Variants in ADGRL2 observed in about 807,000 individuals in gnomAD.
ADGRL2 encodes calcium-independent alpha-latrotoxin receptor 2.
ADGRL2 carries 44 observed loss-of-function variants against 157.4 expected under a neutral mutation model. That is an observed-to-expected ratio of 0.28 (90% CI 0.22 to 0.36). The LOEUF (loss-of-function observed/expected upper bound fraction) is 0.36. ADGRL2 is among the 10% of genes least tolerant of loss of function. The pLI, the probability that ADGRL2 is intolerant of heterozygous loss-of-function variation, is 1.00. For synonymous variants in ADGRL2, 585 were observed against 624.7 expected (o/e 0.94, Z 0.95); for missense variants, 1,510 against 1,768.9 (o/e 0.85, Z 2.63).
intron 2 of ADGRL2, among the ~76,000 whole-genome samples, chr1:81,838,674 A>G (rs1164583698): frequency 6.6e-6 from 1 of 152,110 alleles, no homozygotes; most frequent in Admixed American, 6.6e-5. Context: ...CCAATGGCTC[A>G]TTAGTCCACA....
At chr1:81,345,435 G>A (rs1241897195) in intron 1 of ADGRL2, among the ~76,000 whole-genome samples, 1 of 152,172 alleles carries the variant, frequency 6.6e-6, no homozygotes, top group Admixed American at 6.5e-5. Flanking sequence ...TGATAGCCAT[G>A]CATTCTGCTA....
In ADGRL2 at chr1:81,394,415, G is replaced by A. The variant is rs75618011; in HGVS notation, c.-301-50621G>A. 7.1e-3 allele frequency among the ~76,000 whole-genome samples: 1,072 copies of A among 151,862 alleles called. 17 individuals carry two copies. The highest frequency in any genetic ancestry group is 0.054 in the South Asian group (261 of 4,806). On this transcript the variant is annotated intron_variant, in intron 1 of 24. Transcript: ENST00000370721. ...TAACCACTATTCTATCTTTACTTCC[G>A]TGAGATCAACTCTTTTGGCTTCTTC...
At chr1:81,626,619 C>A (rs2148733312) in intron 3 of ADGRL2, among the ~76,000 whole-genome samples, 1 of 152,314 alleles carries the variant, frequency 6.6e-6, no homozygotes, top group Admixed American at 6.5e-5. Context: ...CAAGTGGTAT[C>A]CTCATGTAAA....
chr1:81,446,573 T>G (rs1431293491), intron 2 of ADGRL2, among the ~76,000 whole-genome samples: 2 of 152,182 alleles, frequency 1.3e-5, no homozygotes, highest in Non-Finnish European at 2.9e-5. Flanking sequence ...AACATATTTC[T>G]CAATTCTACC....
chr1:81,413,974 C>T (rs1411356254), intron 1 of ADGRL2, among the ~76,000 whole-genome samples: 4 of 142,020 alleles, frequency 2.8e-5, no homozygotes, highest in African/African-American at 1.0e-4. Context: ...GCCTAAAGAC[C>T]AATTGATCAA....
intron 9 of ADGRL2, 55 bp from the exon 10 acceptor site, chr1:81,952,932 C>G: frequency 7.3e-7 from 1 of 1,379,030 alleles, no homozygotes; most frequent in Non-Finnish European, 1.0e-6. Flanking sequence ...CTTCTTTCCT[C>G]ATTTTCAGCA....
At chr1:81,642,248 C>CAAAA (rs35830955) in intron 3 of ADGRL2, among the ~76,000 whole-genome samples, 2 of 61,638 alleles carry the variant, frequency 3.2e-5, no homozygotes, top group African/African-American at 1.3e-4. Context: ...ACTCTGTCTC[C>CAAAA]AAAAAAAAAA....
At chr1:81,370,844 T>C (rs2076149584) in intron 1 of ADGRL2, among the ~76,000 whole-genome samples, 2 of 152,146 alleles carry the variant, frequency 1.3e-5, no homozygotes, top group African/African-American at 4.8e-5. Flanking sequence ...ACAAAAAGAA[T>C]TAAGTTACAC....
In ADGRL2 at chr1:81,413,733, T is replaced by G. The variant is rs574830918; in HGVS notation, c.-301-31303T>G. Reference sequence around the variant, plus strand: ...GAAAAAGAGTTTATTAGATTTCCTTTTACACTATCAGACAGCTTCTCATTT... The same window carrying G: ...GAAAAAGAGTTTATTAGATTTCCTTGTACACTATCAGACAGCTTCTCATTT... On this transcript the variant is annotated intron_variant, in intron 1 of 24. Transcript: ENST00000370721. 2.0e-5 allele frequency among the ~76,000 whole-genome samples: 3 copies of G among 152,342 alleles called. No homozygotes were observed. In the East Asian group the frequency reaches 5.8e-4, roughly 29 times the overall value.
At chr1:81,355,173 A>G (rs1448863248) in intron 1 of ADGRL2, among the ~76,000 whole-genome samples, 3 of 152,106 alleles carry the variant, frequency 2.0e-5, no homozygotes, top group Non-Finnish European at 4.4e-5. Context: ...CAAAATGGTG[A>G]AACCCCAACT....
chr1:81,332,637 T>C (rs1483902752), intron 1 of ADGRL2, among the ~76,000 whole-genome samples: 1 of 152,166 alleles, frequency 6.6e-6, no homozygotes, highest in Non-Finnish European at 1.5e-5. Context: ...AAGGTTGAAA[T>C]GTACCCAAAA....
At chr1:81,401,622 C>T (rs777593139) in intron 1 of ADGRL2, among the ~76,000 whole-genome samples, 1 of 152,152 alleles carries the variant, frequency 6.6e-6, no homozygotes, top group Non-Finnish European at 1.5e-5. Flanking sequence ...TTCTAGTTGA[C>T]CATCTTGCTC....
intron 2 of ADGRL2, among the ~76,000 whole-genome samples, chr1:81,781,355 G>A (rs762155462): frequency 2.0e-5 from 3 of 151,968 alleles, no homozygotes; most frequent in Non-Finnish European, 2.9e-5. Context: ...GTTTAATTCT[G>A]CCCCCTATCT....
intron 1 of ADGRL2, among the ~76,000 whole-genome samples, chr1:81,420,775 A>G (rs1410526007): frequency 6.6e-6 from 1 of 152,128 alleles, no homozygotes; most frequent in East Asian, 1.9e-4. Flanking sequence ...AAGCTCTCCT[A>G]GGTCGTCGGT....
intron 2 of ADGRL2, among the ~76,000 whole-genome samples, chr1:81,500,048 A>T (rs2078813202): frequency 6.6e-6 from 1 of 152,222 alleles, no homozygotes. Context: ...TCACTTAGGA[A>T]TCATATTGCC....
intron 1 of ADGRL2, among the ~76,000 whole-genome samples, chr1:81,438,112 A>C (rs918712990): frequency 6.6e-6 from 1 of 152,134 alleles, no homozygotes; most frequent in South Asian, 2.1e-4. Context: ...AAATGTGTAG[A>C]AAGACATGAG....
chr1:81,960,320 T>G (rs1654928318), intron 11 of ADGRL2, among the ~76,000 whole-genome samples: 1 of 152,192 alleles, frequency 6.6e-6, no homozygotes, highest in Admixed American at 6.5e-5. Flanking sequence ...ACTTTCTGTT[T>G]CTTTAATTTA....
intron 1 of ADGRL2, among the ~76,000 whole-genome samples, chr1:81,322,157 T>A (rs1266393095): frequency 6.8e-6 from 1 of 147,294 alleles, no homozygotes; most frequent in Non-Finnish European, 1.5e-5. Flanking sequence ...TACATATACA[T>A]ACACACATAT....
At chr1:81,698,448 A>T (rs1219930501), upstream of ADGRL2, among the ~76,000 whole-genome samples, 1 of 152,224 alleles carries the variant, frequency 6.6e-6, no homozygotes, top group Non-Finnish European at 1.5e-5. Flanking sequence ...CTAAACATGT[A>T]CTGAGCAAAT....
Sources: gnomAD v4.1 joint callset for allele counts (sites outside exome capture counted in the v4.1 genomes callset) on GRCh38, gnomAD v4.1.1 for gene constraint, MANE v1.5 for transcripts, NCBI Gene and HGNC (gene_info 2026-07-23, HGNC 2026-07-21) for gene names.